The following TGS1 variants were observed in gnomAD, a reference collection of about 807,000 sequenced individuals.
The protein encoded by TGS1 is trimethylguanosine synthase 1, also known as trimethylguanosine synthase.
A neutral mutation model predicts 92.2 loss-of-function variants in TGS1; 69 were observed. The observed-to-expected ratio is 0.75, with a 90% CI of 0.62 to 0.91. The LOEUF is 0.91. TGS1 is among the 40% of genes least tolerant of loss of function. The probability of loss-of-function intolerance (pLI) is 0.00; values close to 1 mark genes in which losing one functional copy is unlikely to be tolerated. For synonymous variants in TGS1, 345 were observed against 338.1 expected (o/e 1.02, Z -0.22); for missense variants, 1,062 against 1,001.2 (o/e 1.06, Z -0.82).
rs751647194 is a variant in TGS1 at position 55,824,661 on chromosome 8, A to G, written c.2520A>G (p.Ala840=). The G allele has an allele frequency of 2.5e-6, 4 of 1,614,130 alleles. No individual in the cohort carries two copies. Among genetic ancestry groups the G allele is most frequent in the East Asian group, 2.2e-5 (1 of 44,898 alleles). Reference sequence around the variant, plus strand: ...ACAACAAATTGAAGACAATCACTGCATATTTTGGTGACCTAATTCGAAGAC... The same window carrying G: ...ACAACAAATTGAAGACAATCACTGCGTATTTTGGTGACCTAATTCGAAGAC... The part of the protein sequence containing the change: ...FLNNKLKTIT[A]YFGDLIRRPA... Residue 840 remains alanine (A), a synonymous_variant, in exon 13 of 13, where the codon GCA becomes GCG. Coordinates refer to ENST00000260129, the MANE Select transcript of TGS1 (RefSeq NM_024831.8).
chr8:55,813,150 T>G (rs764047384), intron 12 of TGS1, 32 bp downstream of exon 12: 6 of 1,465,016 alleles, frequency 4.1e-6, no homozygotes, highest in Non-Finnish European at 4.8e-6. Context: ...TCCATGAGTG[T>G]CTGTCTTAAC....
At position 55,799,163 on chromosome 8, in the gene TGS1, G is replaced by A; in HGVS notation, c.1792G>A (p.Asp598Asn). The A allele has an allele frequency of 1.9e-6, 3 of 1,614,202 alleles. No individual in the cohort carries two copies. The highest frequency in any genetic ancestry group is 2.5e-6 in the Non-Finnish European group (3 of 1,180,024). Residue 598 changes from aspartate (D) to asparagine (N), a missense_variant, in exon 8 of 13, where the codon GAT becomes AAT. Asp to Asn is a conservative substitution (Grantham distance 23). Transcript: ENST00000260129. The stretch of plus-strand genomic sequence containing the variant: ...AGACAGCTTGCTAGCAACTGTTCCA[G>A]ATGAGCAGGATTGTGTTACTCAAGA... ...ERDSLLATVP[D>N]EQDCVTQEVP...
chr8:55,795,545 T>G (rs1812016688), intron 6 of TGS1, among the ~76,000 whole-genome samples: 1 of 152,198 alleles, frequency 6.6e-6, no homozygotes, highest in Non-Finnish European at 1.5e-5. Context: ...AGGGTTCGCT[T>G]CTTTTGTAAG....
At chr8:55,778,369 G>C (rs1811460243) in intron 1 of TGS1, among the ~76,000 whole-genome samples, 1 of 152,172 alleles carries the variant, frequency 6.6e-6, no homozygotes, top group South Asian at 2.1e-4. Context: ...AGTTGGCATA[G>C]AACATGATTT....
chr8:55,813,668 GTT>G (rs1256597219), intron 12 of TGS1, among the ~76,000 whole-genome samples: 2 of 151,970 alleles, frequency 1.3e-5, no homozygotes, highest in Non-Finnish European at 2.9e-5. Context: ...TGTTTTTTGT[GTT>G]TTTTATTCAG....
intron 5 of TGS1, among the ~76,000 whole-genome samples, chr8:55,790,803 G>A (rs2044818): frequency 0.15 from 22,847 of 152,158 alleles, 1,997 homozygotes; most frequent in African/African-American, 0.24. Flanking sequence ...ACAGGTGTGA[G>A]CCACCACACC....
chr8:55,817,085 G>T lies in TGS1; in HGVS notation c.2439+3967G>T, dbSNP rs578199528. ...TCACCACGTTGGCCAGGATGGTCTC[G>T]ATCTCTTGACCTCGTGATCTGCCCG... On this transcript the variant is annotated intron_variant, in intron 12 of 12. Transcript: ENST00000260129. Among the ~76,000 whole-genome samples, 13 of 152,132 alleles carry T rather than the reference G, an allele frequency of 8.5e-5. No individual in the cohort carries two copies. The East Asian group carries it at 2.1e-3, about 25-fold the overall frequency.
chr8:55,785,465 T>C (rs1372777325), intron 2 of TGS1, among the ~76,000 whole-genome samples: 1 of 152,100 alleles, frequency 6.6e-6, no homozygotes, highest in Non-Finnish European at 1.5e-5. Context: ...CTTGTGAGGC[T>C]GAGGCAAGAG....
chr8:55,812,692 ATAAGC>A (rs1341442483), intron 11 of TGS1, among the ~76,000 whole-genome samples: 1 of 151,998 alleles, frequency 6.6e-6, no homozygotes, highest in Non-Finnish European at 1.5e-5. Context: ...TCAAAAATAA[ATAAGC>A]AGAGCCAGAC....
chr8:55,808,303 C>T (rs1361600137), intron 10 of TGS1, among the ~76,000 whole-genome samples: 2 of 152,236 alleles, frequency 1.3e-5, no homozygotes, highest in East Asian at 3.9e-4. Context: ...GCCAGATAAG[C>T]CATTCCTATG....
intron 12 of TGS1, among the ~76,000 whole-genome samples, chr8:55,821,520 A>C (rs1280103909): frequency 6.6e-6 from 1 of 152,156 alleles, no homozygotes; most frequent in Non-Finnish European, 1.5e-5. Flanking sequence ...GAAAAACAAA[A>C]CTACCCTACC....
intron 6 of TGS1, among the ~76,000 whole-genome samples, chr8:55,795,126 C>G (rs983889497): frequency 1.3e-5 from 2 of 152,112 alleles, no homozygotes. Flanking sequence ...AAATTCCTGG[C>G]AGGATGTATT....
Position 55,802,076 on chromosome 8 carries a change from C to T in TGS1, c.1850-381C>T, listed in dbSNP as rs181441877. On this transcript the variant is annotated intron_variant, in intron 8 of 12. Transcript: ENST00000260129. ...GGGCGTGGTGACGGGCGCCTGTAGT[C>T]CCAGCTACTCGGGAGGCTGAGGCAG... is the stretch of plus-strand genomic sequence containing the variant. Among the ~76,000 whole-genome samples, 236 of 152,248 alleles carry T rather than the reference C, an allele frequency of 1.6e-3. 1 individual carries two copies. Among genetic ancestry groups the T allele is most frequent in the African/African-American group, 5.2e-3 (217 of 41,564 alleles).
chr8:55,799,392 A>T (rs558267773), intron 8 of TGS1, among the ~76,000 whole-genome samples, 172 bp downstream of exon 8: 5 of 152,182 alleles, frequency 3.3e-5, no homozygotes, highest in African/African-American at 1.2e-4. Flanking sequence ...GCTATGACTT[A>T]GCACCCACAG....
chr8:55,783,439 C>A (rs1811623935), intron 2 of TGS1, among the ~76,000 whole-genome samples: 1 of 152,034 alleles, frequency 6.6e-6, no homozygotes, highest in Admixed American at 6.6e-5. Flanking sequence ...TATGTAAATT[C>A]TAATCATAAT....
intron 4 of TGS1, among the ~76,000 whole-genome samples, chr8:55,789,752 A>G (rs1811821864): frequency 6.6e-6 from 1 of 152,252 alleles, no homozygotes; most frequent in South Asian, 2.1e-4. Flanking sequence ...CAACGTACAG[A>G]AGGTGGAAGT....
At chr8:55,779,497 G>A (rs1811498238) in intron 1 of TGS1, among the ~76,000 whole-genome samples, 1 of 152,090 alleles carries the variant, frequency 6.6e-6, no homozygotes, top group East Asian at 1.9e-4. Flanking sequence ...CACTGTGGTG[G>A]GACCAAAAAG....
Position 55,804,244 on chromosome 8 carries a change from C to T in TGS1, c.2000-649C>T, listed in dbSNP as rs1812299597. Among the ~76,000 whole-genome samples, 3 of 152,236 alleles carry T rather than the reference C, an allele frequency of 2.0e-5. No homozygotes were observed. In the South Asian group the frequency reaches 6.2e-4, roughly 32 times the overall value. On this transcript the variant is annotated intron_variant, in intron 9 of 12. Coordinates refer to ENST00000260129, the MANE Select transcript of TGS1 (RefSeq NM_024831.8). The stretch of plus-strand genomic sequence containing the variant: ...TCACTTGAGGCCAGGAGTTCAAGAC[C>T]AGCCTGGCTAACATGGCAAAACTCT...
At chr8:55,814,164 TCTCAAAATTAAAGG>T (rs1803409230) in intron 12 of TGS1, among the ~76,000 whole-genome samples, 1 of 151,908 alleles carries the variant, frequency 6.6e-6, no homozygotes, top group Non-Finnish European at 1.5e-5. Flanking sequence ...CCCACACTGG[TCTCAAAATTAAAGG>T]CTCAAGCAAT....
Sources: allele counts gnomAD v4.1 joint callset (sites outside exome capture counted in the v4.1 genomes callset), GRCh38; gene constraint gnomAD v4.1.1; transcripts MANE v1.5; gene names NCBI Gene and HGNC (gene_info 2026-07-23, HGNC 2026-07-21).